Variants in PLPPR1 observed in about 807,000 individuals in gnomAD.
The protein encoded by PLPPR1 is phospholipid phosphatase related 1, also known as phospholipid phosphatase-related protein type 1.
A neutral mutation model predicts 33.1 loss-of-function variants in PLPPR1; 10 were observed. The ratio of observed to expected loss-of-function variants is 0.30; its 90% CI spans 0.19 to 0.51. The LOEUF is 0.51. Ranked by LOEUF, PLPPR1 falls within the 20% of genes least tolerant of loss-of-function variation. PLPPR1 has a pLI of 0.97. For missense variants in PLPPR1, 304 were observed against 408.1 expected (o/e 0.74, Z 2.20); for synonymous variants, 151 against 151.0 (o/e 1.00, Z 0.00).
At chr9:101,207,536 G>A (rs901359750) in intron 2 of PLPPR1, among the ~76,000 whole-genome samples, 11 of 152,096 alleles carry the variant, frequency 7.2e-5, no homozygotes, top group Admixed American at 3.9e-4. Context: ...AGATGAAGTG[G>A]GGGTGTGAGA....
At chr9:101,238,921 C>T (rs368992453) in intron 2 of PLPPR1, among the ~76,000 whole-genome samples, 3 of 151,106 alleles carry the variant, frequency 2.0e-5, no homozygotes, top group South Asian at 4.2e-4. Flanking sequence ...TTCTAACAAT[C>T]GCAGTTCTAT....
chr9:101,285,417 G>A (rs911452508), intron 3 of PLPPR1, among the ~76,000 whole-genome samples: 2 of 152,024 alleles, frequency 1.3e-5, no homozygotes, highest in African/African-American at 4.8e-5. Flanking sequence ...ACCAGTTCAG[G>A]GTAGGAGAAA....
chr9:101,157,416 A>G (rs1382623980), intron 1 of PLPPR1, among the ~76,000 whole-genome samples: 3 of 152,180 alleles, frequency 2.0e-5, no homozygotes, highest in Non-Finnish European at 4.4e-5. Context: ...TTCAGTAAAT[A>G]TGTCCGGTTG....
intron 2 of PLPPR1, among the ~76,000 whole-genome samples, chr9:101,235,667 G>A (rs1247687896): frequency 2.0e-5 from 3 of 151,702 alleles, no homozygotes; most frequent in Non-Finnish European, 2.9e-5. Context: ...CTTGGGTCTA[G>A]CTCTTCTGCT....
At chr9:101,319,072 T>C (rs969036469) in intron 7 of PLPPR1, among the ~76,000 whole-genome samples, 1 of 142,232 alleles carries the variant, frequency 7.0e-6, no homozygotes, top group Admixed American at 7.2e-5. Flanking sequence ...TTCCCTTTGT[T>C]CCCTTTGGAA....
At chr9:101,169,672 AT>A (rs1162229287) in intron 1 of PLPPR1, among the ~76,000 whole-genome samples, 1 of 147,870 alleles carries the variant, frequency 6.8e-6, no homozygotes, top group Admixed American at 6.9e-5. Flanking sequence ...TTAAAAAAAA[AT>A]TGCTTTTTGT....
At chr9:101,299,384 A>G (rs1202562154) in intron 4 of PLPPR1, among the ~76,000 whole-genome samples, 2 of 152,198 alleles carry the variant, frequency 1.3e-5, no homozygotes, top group East Asian at 3.9e-4. Flanking sequence ...TGAAGCTGGT[A>G]CCATGACTGG....
chr9:101,274,191 AC>A (rs1351951616), intron 3 of PLPPR1, among the ~76,000 whole-genome samples: 4 of 152,108 alleles, frequency 2.6e-5, no homozygotes, highest in Admixed American at 2.6e-4. Flanking sequence ...ATACTGACAA[AC>A]CCCCCAAATA....
rs536128846 is a variant in PLPPR1 at position 101,245,225 on chromosome 9, T to C, written c.64-24655T>C. Among the ~76,000 whole-genome samples the C allele has an allele frequency of 1.2e-4, 19 of 152,148 alleles. 1 individual carries two copies. The South Asian group carries it at 3.5e-3, about 28-fold the overall frequency. ...CACTAGACATGATCAAGATAATTCA[T>C]AGCAATTTTACCTTATAGCAAAAAA... On this transcript the variant is annotated intron_variant, in intron 2 of 7. Coordinates refer to ENST00000374874, the MANE Select transcript of PLPPR1 (RefSeq NM_207299.2).
chr9:101,247,125 A>G (rs1388852952), intron 2 of PLPPR1, among the ~76,000 whole-genome samples: 1 of 152,016 alleles, frequency 6.6e-6, no homozygotes, highest in Non-Finnish European at 1.5e-5. Flanking sequence ...TTAATTTACC[A>G]TAAAACCACA....
intron 1 of PLPPR1, among the ~76,000 whole-genome samples, chr9:101,149,343 A>G (rs1225112744): frequency 6.6e-6 from 1 of 152,198 alleles, no homozygotes; most frequent in Non-Finnish European, 1.5e-5. Flanking sequence ...GTCTTTAAAA[A>G]TCCCTAACCT....
intron 1 of PLPPR1, among the ~76,000 whole-genome samples, chr9:101,107,791 A>C (rs1448753199): frequency 1.3e-4 from 19 of 142,448 alleles, no homozygotes; most frequent in South Asian, 2.4e-4. Flanking sequence ...CTGTGCTAGC[A>C]ATCAGCGAGA....
At chr9:101,272,251 A>T (rs1320528765) in intron 3 of PLPPR1, among the ~76,000 whole-genome samples, 7 of 152,206 alleles carry the variant, frequency 4.6e-5, no homozygotes. Flanking sequence ...TTTCTCAAAA[A>T]ATAGTACTCA....
At chr9:101,076,649 C>G (rs1007341845) in intron 1 of PLPPR1, among the ~76,000 whole-genome samples, 1 of 152,098 alleles carries the variant, frequency 6.6e-6, no homozygotes, top group African/African-American at 2.4e-5. Flanking sequence ...TTAAATAAGG[C>G]AGATTTTCTA....
intron 4 of PLPPR1, among the ~76,000 whole-genome samples, chr9:101,296,041 A>G (rs1473199918): frequency 6.6e-6 from 1 of 151,898 alleles, no homozygotes; most frequent in Non-Finnish European, 1.5e-5. Context: ...GAAAATTTTC[A>G]CAACCTACTC....
intron 2 of PLPPR1, among the ~76,000 whole-genome samples, chr9:101,197,311 G>A (rs908026083): frequency 2.0e-5 from 3 of 152,204 alleles, no homozygotes; most frequent in Non-Finnish European, 2.9e-5. Context: ...TCCACACAGA[G>A]CCGGGAAGAA....
chr9:101,116,796 G>A (rs4549839), intron 1 of PLPPR1, among the ~76,000 whole-genome samples: 73,841 of 148,190 alleles, frequency 0.5, 18,659 homozygotes, highest in African/African-American at 0.57. Flanking sequence ...TGACAGAGTA[G>A]GACTCCATCT....
intron 3 of PLPPR1, among the ~76,000 whole-genome samples, chr9:101,275,470 C>A (rs969727119): frequency 7.9e-5 from 12 of 152,218 alleles, no homozygotes; most frequent in African/African-American, 2.9e-4. Flanking sequence ...CCACTGCTGT[C>A]CCAGATCTTC....
At chr9:101,132,505 T>C (rs947786379) in intron 1 of PLPPR1, among the ~76,000 whole-genome samples, 2 of 151,968 alleles carry the variant, frequency 1.3e-5, no homozygotes, top group Non-Finnish European at 2.9e-5. Flanking sequence ...GAGTTGGGGA[T>C]TGGGGAAGAG....
Sources: allele counts gnomAD v4.1 joint callset (sites outside exome capture counted in the v4.1 genomes callset), GRCh38; gene constraint gnomAD v4.1.1; transcripts MANE v1.5; gene names NCBI Gene and HGNC (gene_info 2026-07-23, HGNC 2026-07-21).